MBOAT2: variants seen among roughly 807,000 people sequenced by gnomAD.
The protein encoded by MBOAT2 is membrane-bound glycerophospholipid O-acyltransferase 2.
Under a neutral mutation model 63.4 loss-of-function variants are expected in MBOAT2, and 28 were observed. The ratio of observed to expected loss-of-function variants is 0.44; its 90% CI spans 0.33 to 0.61. The LOEUF (loss-of-function observed/expected upper bound fraction) is 0.61, where lower values mean the gene tolerates loss of function less well. Ranked by LOEUF, MBOAT2 falls within the 20% of genes least tolerant of loss-of-function variation. The probability of loss-of-function intolerance (pLI) is 0.03; values close to 1 mark genes in which losing one functional copy is unlikely to be tolerated. For synonymous variants in MBOAT2, 211 were observed against 215.6 expected, an observed-to-expected ratio of 0.98 and a Z score of 0.19; for missense variants, 470 against 605.8, an observed-to-expected ratio of 0.78 and a Z score of 2.35.
chr2:8,902,874 G>A (rs893376152), intron 4 of MBOAT2, among the ~76,000 whole-genome samples: 13 of 152,206 alleles, frequency 8.5e-5, no homozygotes, highest in African/African-American at 3.1e-4. Flanking sequence ...GTGGGTTGCT[G>A]CTGCTGGCTC....
At chr2:8,906,937 G>C (rs958270200) in intron 4 of MBOAT2, among the ~76,000 whole-genome samples, 3 of 152,172 alleles carry the variant, frequency 2.0e-5, no homozygotes, top group African/African-American at 7.2e-5. Context: ...AGCAAGACTG[G>C]AGGACCTAGA....
intron 1 of MBOAT2, among the ~76,000 whole-genome samples, chr2:8,990,417 T>C (rs867457): frequency 0.88 from 133,376 of 152,152 alleles, 58,563 homozygotes; most frequent in East Asian, 0.96. Context: ...GCCTCTGGCA[T>C]TATAGTCTTT....
At position 8,854,848 on chromosome 2, in the gene MBOAT2, C is replaced by T. The variant is rs1300272882; in HGVS notation, c.*3831G>A. On this transcript the variant is annotated 3_prime_UTR_variant, in exon 13 of 13. Transcript: ENST00000305997. The stretch of plus-strand genomic sequence containing the variant: ...CGGTTTAAAATAAGGTGTAACTAAA[C>T]TAAATATGCTTTAAATATCCTTGAA... 6.6e-6 allele frequency: 1 copy of T among 152,278 alleles called. No homozygotes were observed. Among genetic ancestry groups the T allele is most frequent in the East Asian group, 1.9e-4 (1 of 5,192 alleles). The allele number at this position is 152,278 out of a possible 1,614,324, so 9.4% of individuals were successfully genotyped here. A position where few individuals can be genotyped will look rare whatever the true frequency, so the allele number is the denominator to read the frequency against.
chr2:8,920,610 G>A (rs544763889), intron 3 of MBOAT2, among the ~76,000 whole-genome samples: 1 of 150,490 alleles, frequency 6.6e-6, no homozygotes, highest in South Asian at 2.1e-4. Context: ...TAAATCTATA[G>A]ATGAATTTGT....
chr2:8,873,357 C>T, intron 7 of MBOAT2, 57 bp from the exon 8 acceptor site: 1 of 1,515,498 alleles, frequency 6.6e-7, no homozygotes, highest in Admixed American at 1.9e-5. Flanking sequence ...TTAATTCATT[C>T]TATGTATTAT....
intron 3 of MBOAT2, among the ~76,000 whole-genome samples, chr2:8,913,532 A>G (rs1665938766): frequency 6.6e-6 from 1 of 152,174 alleles, no homozygotes; most frequent in African/African-American, 2.4e-5. Flanking sequence ...TGAATAGACA[A>G]TTCTCAAAAG....
chr2:8,984,392 T>A (rs1671409138), intron 1 of MBOAT2, among the ~76,000 whole-genome samples: 2 of 152,216 alleles, frequency 1.3e-5, no homozygotes, highest in Admixed American at 1.3e-4. Flanking sequence ...ATTTCATGTT[T>A]ATTACCACAT....
In MBOAT2 at chr2:8,860,775, G is replaced by C. The variant is rs772678902; in HGVS notation, c.1186-11C>G. ...AAAGTTATTTCTCATCTGAAATAAA[G>C]AAACAAAAACATTTGCTGTATCTTT... On this transcript the variant is annotated splice_polypyrimidine_tract_variant and intron_variant, in intron 11 of 12. Transcript: ENST00000305997. 2 of 1,547,866 alleles carry C rather than the reference G, an allele frequency of 1.3e-6. No homozygotes were observed. Among genetic ancestry groups the C allele is most frequent in the South Asian group, 2.3e-5 (2 of 85,812 alleles).
intron 4 of MBOAT2, among the ~76,000 whole-genome samples, chr2:8,888,648 TAGAA>T (rs1242284461): frequency 2.6e-5 from 4 of 152,092 alleles, no homozygotes; most frequent in Non-Finnish European, 4.4e-5. Flanking sequence ...ATGAATAACT[TAGAA>T]AGGAAAAAAC....
intron 1 of MBOAT2, among the ~76,000 whole-genome samples, chr2:8,959,727 T>C (rs141935755): frequency 2.5e-3 from 373 of 152,234 alleles, no homozygotes; most frequent in African/African-American, 8.7e-3. Flanking sequence ...CCTCCCAAAG[T>C]GCTGGGATAA....
intron 3 of MBOAT2, among the ~76,000 whole-genome samples, chr2:8,923,197 A>C (rs1361306692): frequency 3.3e-5 from 5 of 152,248 alleles, no homozygotes; most frequent in Non-Finnish European, 7.3e-5. Context: ...AGGCACACCT[A>C]AACCATGACC....
chr2:9,003,554 G>C lies in MBOAT2; in HGVS notation c.61C>G (p.Leu21Val). The C allele has an allele frequency of 8.1e-7, 1 of 1,227,362 alleles. No homozygotes were observed. 76.0% of individuals were successfully genotyped at this position (1,227,362 alleles called of 1,614,324 possible). The part of the protein sequence containing the change: ...LLQPLSNAVQ[L>V]PIDQVNFVVC... ...CCTCGGGGTACCTGGTCGATGGGCAGCTGCACGGCGTTGCTGAGGGGCTGC... is the reference window on the plus strand; with the variant it reads ...CCTCGGGGTACCTGGTCGATGGGCACCTGCACGGCGTTGCTGAGGGGCTGC... Residue 21 changes from leucine (L) to valine (V), a missense_variant, in exon 1 of 13, where the codon CTG (leucine) becomes GTG (valine). Transcript: ENST00000305997. The surrounding 1 kb of genome is among the most constrained non-coding windows in gnomAD (Gnocchi z 5.4).
At chr2:8,904,283 T>C (rs1408927102) in intron 4 of MBOAT2, among the ~76,000 whole-genome samples, 3 of 151,606 alleles carry the variant, frequency 2.0e-5, no homozygotes, top group Admixed American at 1.3e-4. Context: ...CCCATTCGTA[T>C]CTTTATAATA....
At chr2:8,945,138 A>G (rs1328287735) in intron 2 of MBOAT2, among the ~76,000 whole-genome samples, 1 of 152,116 alleles carries the variant, frequency 6.6e-6, no homozygotes, top group African/African-American at 2.4e-5. Context: ...CATTCAGGTG[A>G]TATGTTTGGC....
intron 4 of MBOAT2, 51 bp from the exon 5 acceptor site, chr2:8,888,124 ATACT>A (rs1663699594): frequency 1.3e-6 from 2 of 1,514,144 alleles, no homozygotes; most frequent in East Asian, 4.5e-5. Flanking sequence ...AGTTAAAACA[ATACT>A]TATGACATAT....
chr2:8,913,906 A>T (rs991209935), intron 3 of MBOAT2, among the ~76,000 whole-genome samples: 3 of 152,248 alleles, frequency 2.0e-5, no homozygotes, highest in African/African-American at 7.2e-5. Context: ...ACGATTGCAA[A>T]ATCGTGGAAC....
chr2:8,906,045 C>T (rs1033943565), intron 4 of MBOAT2, among the ~76,000 whole-genome samples: 2 of 152,172 alleles, frequency 1.3e-5, no homozygotes, highest in Non-Finnish European at 2.9e-5. Flanking sequence ...GCAACCTCTG[C>T]CCCCAGGGCT....
At chr2:8,987,870 T>C (rs1671675427) in intron 1 of MBOAT2, among the ~76,000 whole-genome samples, 1 of 152,218 alleles carries the variant, frequency 6.6e-6, no homozygotes, top group African/African-American at 2.4e-5. Context: ...TGAAGGGTAA[T>C]GGGTGATTTT....
chr2:8,903,498 C>CT (rs974882331), intron 4 of MBOAT2, among the ~76,000 whole-genome samples: 22 of 151,922 alleles, frequency 1.4e-4, no homozygotes, highest in African/African-American at 5.3e-4. Flanking sequence ...GGTGGGTACA[C>CT]TAAAAGCAAC....
Sources: gnomAD v4.1 joint callset for allele counts (sites outside exome capture counted in the v4.1 genomes callset) on GRCh38, gnomAD v4.1.1 for gene constraint, Gnocchi (gnomAD v3.1) non-coding constraint, MANE v1.5 for transcripts, NCBI Gene and HGNC (gene_info 2026-07-23, HGNC 2026-07-21) for gene names.